AHCTF1: variants seen among roughly 807,000 people sequenced by gnomAD.
AHCTF1 encodes protein ELYS.
In AHCTF1, 24 loss-of-function variants were observed where a neutral mutation model predicts 248.4. The observed-to-expected ratio is 0.10, with a 90% CI of 0.07 to 0.14. The LOEUF is 0.14. AHCTF1 is among the 10% of genes least tolerant of loss of function. The pLI, the probability that AHCTF1 is intolerant of heterozygous loss-of-function variation, is 1.00. For synonymous variants in AHCTF1, 786 were observed against 929.8 expected (o/e 0.85, Z 2.81); for missense variants, 2,206 against 2,636.2 (o/e 0.84, Z 3.57).
At chr1:246,852,969 A>T (rs897001568) in intron 32 of AHCTF1, 122 bp downstream of exon 32, 78 of 685,938 alleles carry the variant, frequency 1.1e-4, no homozygotes, top group Non-Finnish European at 1.7e-4. Context: ...CCATATTTTT[A>T]TAAATAAGTT....
chr1:246,895,755 T>A, intron 13 of AHCTF1, 80 bp downstream of exon 13: 1 of 1,214,546 alleles, frequency 8.2e-7, no homozygotes, highest in Non-Finnish European at 1.2e-6. Flanking sequence ...AAAATTAAAA[T>A]AACTAAGAAA....
intron 8 of AHCTF1, 132 bp from the exon 9 acceptor site, chr1:246,900,601 A>C (rs1664926226): frequency 4.2e-6 from 4 of 959,408 alleles, no homozygotes; most frequent in Non-Finnish European, 6.0e-6. Context: ...ATCAAAACGC[A>C]TTTCTATCAT....
intron 29 of AHCTF1, among the ~76,000 whole-genome samples, chr1:246,859,237 T>G (rs1038245047): frequency 6.6e-6 from 1 of 152,236 alleles, no homozygotes; most frequent in South Asian, 2.1e-4. Context: ...TTTATGTAAG[T>G]ATGTAGTTTT....
intron 21 of AHCTF1, among the ~76,000 whole-genome samples, chr1:246,882,132 G>T (rs531097061): frequency 2.0e-5 from 3 of 151,662 alleles, no homozygotes; most frequent in Admixed American, 6.6e-5. Context: ...TGAGTAGCTG[G>T]GACTACAGGC....
Position 246,885,602 on chromosome 1 carries a change from T to C in AHCTF1, c.2551A>G (p.Met851Val). 1.9e-6 allele frequency: 3 copies of C among 1,612,704 alleles called. No individual in the cohort carries two copies. The highest frequency in any genetic ancestry group is 1.7e-5 in the Admixed American group (1 of 59,958). ...WQHSKIIQAFMSQGEHRQALR... is the reference protein window; with the variant it reads ...WQHSKIIQAFVSQGEHRQALR... Reference sequence around the variant, plus strand: ...GCTTGTCTGTGCTCGCCCTGACTCATGAATGCCTGAATAATCTTTGAATGT... The same window carrying C: ...GCTTGTCTGTGCTCGCCCTGACTCACGAATGCCTGAATAATCTTTGAATGT... The change falls in exon 21 of 36, where the codon ATG (methionine) becomes GTG (valine). Residue 851 changes from methionine to valine, a missense_variant. By Grantham distance (21) the Met-to-Val change is conservative. Coordinates refer to ENST00000648844, the MANE Select transcript of AHCTF1 (RefSeq NM_001323342.2).
At chr1:246,895,662 A>C (rs1664522212) in intron 13 of AHCTF1, among the ~76,000 whole-genome samples, 173 bp downstream of exon 13, 4 of 152,188 alleles carry the variant, frequency 2.6e-5, no homozygotes, top group Non-Finnish European at 4.4e-5. Flanking sequence ...TTGTCAGATC[A>C]TCATACTGTG....
At chr1:246,891,477 T>G (rs1231643182) in intron 15 of AHCTF1, among the ~76,000 whole-genome samples, 1 of 151,024 alleles carries the variant, frequency 6.6e-6, no homozygotes, top group African/African-American at 2.5e-5. Flanking sequence ...CAGAAAAAAT[T>G]TATGAGTTCT....
chr1:246,863,138 A>C (rs190966275), intron 27 of AHCTF1, among the ~76,000 whole-genome samples: 1 of 152,238 alleles, frequency 6.6e-6, no homozygotes, highest in East Asian at 1.9e-4. Flanking sequence ...TACTATACTG[A>C]ATATTTTAAA....
intron 33 of AHCTF1, among the ~76,000 whole-genome samples, chr1:246,848,490 C>T (rs28665436): frequency 0.18 from 27,662 of 151,540 alleles, 4,159 homozygotes; most frequent in African/African-American, 0.42. Flanking sequence ...CGTGAGCCAC[C>T]GTGACCGGCC....
chr1:246,881,809 G>C (rs1263886783), intron 21 of AHCTF1, among the ~76,000 whole-genome samples: 3 of 140,620 alleles, frequency 2.1e-5, no homozygotes, highest in Non-Finnish European at 4.5e-5. Context: ...CTGCACCCCA[G>C]CCTGGGTAAC....
At position 246,896,974 on chromosome 1, in the gene AHCTF1, A is replaced by T. The variant is rs190814904; in HGVS notation, c.1624-1049T>A. Among the ~76,000 whole-genome samples the T allele has an allele frequency of 2.4e-3, 359 of 152,318 alleles. 1 individual carries two copies. Among genetic ancestry groups the T allele is most frequent in the Non-Finnish European group, 3.4e-3 (230 of 68,040 alleles). On this transcript the variant is annotated intron_variant, in intron 12 of 35. Coordinates refer to ENST00000648844, the MANE Select transcript of AHCTF1 (RefSeq NM_001323342.2). ...CAAAACAGAAACGTCTGCTACTAAC[A>T]TTATTACCTATAGTTTATAGAAGTT...
chr1:246,866,121 C>T (rs1661959677), intron 26 of AHCTF1, among the ~76,000 whole-genome samples: 6 of 152,124 alleles, frequency 3.9e-5, no homozygotes, highest in Admixed American at 3.9e-4. Context: ...GTAATGCAAA[C>T]TCAGCATGAA....
chr1:246,839,898 T>A lies in AHCTF1; in HGVS notation c.*908A>T, dbSNP rs1659732984. 6.6e-6 allele frequency: 1 copy of A among 152,646 alleles called. No individual in the cohort carries two copies. The highest frequency in any genetic ancestry group is 1.5e-5 in the Non-Finnish European group (1 of 68,044). 9.5% of individuals were successfully genotyped at this position (152,646 alleles called of 1,614,324 possible). A position where few individuals can be genotyped will look rare whatever the true frequency, so the allele number is the denominator to read the frequency against. On this transcript the variant is annotated 3_prime_UTR_variant, in exon 36 of 36. Coordinates refer to ENST00000648844, the MANE Select transcript of AHCTF1 (RefSeq NM_001323342.2). Reference sequence around the variant, plus strand: ...TCTACTCACTCTCTCCCAACCTCAATAATCTGTGCCTGAGGTCCTGTGAGA... The same window carrying A: ...TCTACTCACTCTCTCCCAACCTCAAAAATCTGTGCCTGAGGTCCTGTGAGA...
intron 24 of AHCTF1, among the ~76,000 whole-genome samples, chr1:246,868,801 C>T (rs563972611): frequency 6.6e-6 from 1 of 150,882 alleles, no homozygotes; most frequent in South Asian, 2.1e-4. Flanking sequence ...GAGTACAGGT[C>T]TACCTCATTT....
At chr1:246,908,754 G>T (rs1291293142) in intron 4 of AHCTF1, among the ~76,000 whole-genome samples, 2 of 151,032 alleles carry the variant, frequency 1.3e-5, no homozygotes, top group Non-Finnish European at 2.9e-5. Context: ...AATTAGCCGG[G>T]CATGGCGGCG....
At chr1:246,883,143 A>G (rs952943542) in intron 21 of AHCTF1, among the ~76,000 whole-genome samples, 9 of 152,238 alleles carry the variant, frequency 5.9e-5, no homozygotes, top group Admixed American at 5.9e-4. Flanking sequence ...GTACAGCCAG[A>G]AGGGTGAGTC....
chr1:246,923,088 GTTAT>G (rs1214167239), intron 1 of AHCTF1, among the ~76,000 whole-genome samples: 8 of 119,638 alleles, frequency 6.7e-5, no homozygotes, highest in Non-Finnish European at 1.3e-4. Context: ...TGAAGAAGAA[GTTAT>G]TTAATCAAAT....
chr1:246,926,851 C>T (rs1242558164), intron 1 of AHCTF1, among the ~76,000 whole-genome samples: 1 of 150,036 alleles, frequency 6.7e-6, no homozygotes, highest in Non-Finnish European at 1.5e-5. Context: ...AGCGAAACCC[C>T]GTTTCAAAAC....
chr1:246,841,266 T>A (rs1020773593), intron 35 of AHCTF1, among the ~76,000 whole-genome samples: 1 of 152,178 alleles, frequency 6.6e-6, no homozygotes, highest in African/African-American at 2.4e-5. Context: ...CTCTAAATGT[T>A]TCAAATGTAT....
Sources: allele counts gnomAD v4.1 joint callset (sites outside exome capture counted in the v4.1 genomes callset), GRCh38; gene constraint gnomAD v4.1.1; transcripts MANE v1.5; gene names NCBI Gene and HGNC (gene_info 2026-07-23, HGNC 2026-07-21).